OR8J1: variants seen among roughly 807,000 people sequenced by gnomAD.
The protein encoded by OR8J1 is olfactory receptor family 8 subfamily J member 1, also known as olfactory receptor 8J1.
For synonymous variants in OR8J1, 157 were observed against 144.3 expected (o/e 1.09, Z -0.63); for missense variants, 400 against 373.0 (o/e 1.07, Z -0.60).
intron 1 of OR8J1, among the ~76,000 whole-genome samples, chr11:56,354,984 AAGCAGG>A (rs1854948281): frequency 6.6e-6 from 1 of 152,152 alleles, no homozygotes; most frequent in Non-Finnish European, 1.5e-5. Context: ...ACATTTCCAA[AAGCAGG>A]AGCAAGACTT....
intron 1 of OR8J1, among the ~76,000 whole-genome samples, chr11:56,355,870 A>G (rs1854960965): frequency 6.6e-6 from 1 of 152,154 alleles, no homozygotes; most frequent in Admixed American, 6.6e-5. Flanking sequence ...AAATGTATGG[A>G]GCCACTGCTA....
chr11:56,357,711 T>A, intron 1 of OR8J1: 1 of 1,584,574 alleles, frequency 6.3e-7, no homozygotes, highest in Non-Finnish European at 8.6e-7. Context: ...TAGTGATGAA[T>A]ACAATGTGGA....
At chr11:56,356,712 G>C (rs760266102) in intron 1 of OR8J1, among the ~76,000 whole-genome samples, 7 of 151,978 alleles carry the variant, frequency 4.6e-5, no homozygotes. Context: ...ATAAAATCTT[G>C]ACATATGAAA....
At chr11:56,357,996 C>T in intron 1 of OR8J1, 1 of 870,366 alleles carries the variant, frequency 1.1e-6, no homozygotes. Context: ...AGAAACAGTT[C>T]TCTCAATATA....
intron 1 of OR8J1, among the ~76,000 whole-genome samples, chr11:56,358,692 A>G (rs1175205399): frequency 6.6e-6 from 1 of 152,166 alleles, no homozygotes; most frequent in African/African-American, 2.4e-5. Context: ...TTCCTTATTT[A>G]TTATTGAAAT....
At chr11:56,358,237 A>G (rs903399470) in intron 1 of OR8J1, 28 of 248,916 alleles carry the variant, frequency 1.1e-4, no homozygotes, top group Non-Finnish European at 7.2e-5. Flanking sequence ...ACAATTTTCT[A>G]TGAGGATTTT....
Position 56,361,034 on chromosome 11 carries a change from G to T in OR8J1, c.788G>T (p.Arg263Leu). 2 of 1,498,568 alleles carry T rather than the reference G, an allele frequency of 1.3e-6. No individual in the cohort carries two copies. Among genetic ancestry groups the T allele is most frequent in the East Asian group, 2.4e-5 (1 of 41,964 alleles). The allele number at this position is 1,498,568 out of a possible 1,614,324, so 92.8% of individuals were successfully genotyped here. The part of the protein sequence containing the change: ...GTLLFMYVQP[R>L]SNHSLDTDDK... ...TTGCTATTCATGTATGTGCAGCCCC[G>T]AAGTAACCATTCACTGGATACTGAT... Residue 263 changes from arginine to leucine, a missense_variant, in exon 2 of 2, where the codon CGA (arginine) becomes CTA (leucine). Coordinates refer to ENST00000533152, the MANE Select transcript of OR8J1 (RefSeq NM_001005205.3).
Position 56,361,208 on chromosome 11 carries a change from T to C in OR8J1, c.*11T>C. ...TTTAAAACAATGTAATTTTAAACAG[T>C]ACAGGTAAATGAGGAGAGAGTTAAT... On this transcript the variant is annotated 3_prime_UTR_variant, in exon 2 of 2. Transcript: ENST00000533152. The C allele has an allele frequency of 9.1e-7, 1 of 1,100,122 alleles. No individual in the cohort carries two copies. The highest frequency in any genetic ancestry group is 1.2e-6 in the Non-Finnish European group (1 of 829,226). 68.1% of individuals were successfully genotyped at this position (1,100,122 alleles called of 1,614,324 possible). A position where few individuals can be genotyped will look rare whatever the true frequency, so the allele number is the denominator to read the frequency against.
chr11:56,357,306 G>A (rs1234710474), intron 1 of OR8J1: 5 of 527,366 alleles, frequency 9.5e-6, no homozygotes, highest in African/African-American at 1.9e-5. Flanking sequence ...GTGGATGCGG[G>A]CCTCTCTTCA....
At position 56,360,545 on chromosome 11, in the gene OR8J1, A is replaced by T; in HGVS notation, c.299A>T (p.Gln100Leu). ...ACCTCATTCTATGAATGTGCCACCC[A>T]ACTGGGAGGGTTCTTGTTCTTTATT... ...KTTSFYECAT[Q>L]LGGFLFFIVS... Residue 100 changes from glutamine (Q) to leucine (L), a missense_variant, in exon 2 of 2, where the codon CAA becomes CTA. By Grantham distance (113) the Gln-to-Leu change is moderately radical (BLOSUM62 -2). Coordinates refer to ENST00000533152, the MANE Select transcript of OR8J1 (RefSeq NM_001005205.3). 6.2e-7 allele frequency: 1 copy of T among 1,614,056 alleles called. No individual in the cohort carries two copies. Among genetic ancestry groups the T allele is most frequent in the Non-Finnish European group, 8.5e-7 (1 of 1,179,990 alleles).
intron 1 of OR8J1, chr11:56,357,739 C>A: frequency 1.9e-6 from 3 of 1,570,822 alleles, no homozygotes; most frequent in Non-Finnish European, 2.6e-6. Context: ...GATGGTCAGC[C>A]AGGTGCCTTT....
chr11:56,360,966 C>G lies in OR8J1; in HGVS notation c.720C>G (p.Thr240=), dbSNP rs754427336. Residue 240 remains threonine, a synonymous_variant, in exon 2 of 2, where the codon ACC becomes ACG. Coordinates refer to ENST00000533152, the MANE Select transcript of OR8J1 (RefSeq NM_001005205.3). The part of the protein sequence containing the change: ...SSEGRKKAFS[T]CASHMMAVTI... ...AAGGAAGGAAAAAAGCCTTTTCTAC[C>G]TGTGCTTCACATATGATGGCAGTCA... is the stretch of plus-strand genomic sequence containing the variant. 1.4e-6 allele frequency: 2 copies of G among 1,477,302 alleles called. No individual in the cohort carries two copies. Among genetic ancestry groups the G allele is most frequent in the Non-Finnish European group, 1.8e-6 (2 of 1,117,958 alleles). The allele number at this position is 1,477,302 out of a possible 1,614,324, so 91.5% of individuals were successfully genotyped here. A position where few individuals can be genotyped will look rare whatever the true frequency, so the allele number is the denominator to read the frequency against.
At chr11:56,354,346 T>G (rs527590662) in intron 1 of OR8J1, 21 bp downstream of exon 1, 6 of 152,188 alleles carry the variant, frequency 3.9e-5, no homozygotes, top group Non-Finnish European at 8.8e-5. Context: ...AAGACTTACC[T>G]TATTTTTGTA....
intron 1 of OR8J1, among the ~76,000 whole-genome samples, chr11:56,359,990 A>G (rs1852612103): frequency 6.6e-6 from 1 of 152,214 alleles, no homozygotes; most frequent in Admixed American, 6.5e-5. Context: ...GTAAATCCTC[A>G]AAATGTTTCA....
intron 1 of OR8J1, among the ~76,000 whole-genome samples, chr11:56,356,373 A>G (rs1015295318): frequency 3.9e-5 from 6 of 152,224 alleles, no homozygotes; most frequent in Admixed American, 1.3e-4. Flanking sequence ...TGAATTTTCA[A>G]ATAAATCATA....
chr11:56,356,197 A>G (rs1381797011), intron 1 of OR8J1, among the ~76,000 whole-genome samples: 1 of 152,216 alleles, frequency 6.6e-6, no homozygotes, highest in Admixed American at 6.5e-5. Context: ...ATAATTAATG[A>G]AAGTGTTATA....
Position 56,357,735 on chromosome 11 carries a change from C to T in OR8J1, c.-20-2492C>T. ...ATACAATGTGGAAAGCATTGATGGT[C>T]AGCCAGGTGCCTTTACCTGCTATTT... On this transcript the variant is annotated intron_variant, in intron 1 of 1. Transcript: ENST00000533152. 7.0e-6 allele frequency: 11 copies of T among 1,574,158 alleles called. 1 individual carries two copies. Among genetic ancestry groups the T allele is most frequent in the Middle Eastern group, 2.2e-4 (1 of 4,492 alleles).
rs1854980221 is a variant in OR8J1 at position 56,357,250 on chromosome 11, T to C, written c.-21+2925T>C. The C allele has an allele frequency of 9.0e-6, 3 of 331,994 alleles. No homozygotes were observed. In the South Asian group the frequency reaches 1.7e-4, roughly 19 times the overall value. The allele number at this position is 331,994 out of a possible 1,614,324, so 20.6% of individuals were successfully genotyped here. The stretch of plus-strand genomic sequence containing the variant: ...ATAATGTTTTTCACCTATCTTAAAA[T>C]TTTGTCATGGCTTACAATTCAAGGC... On this transcript the variant is annotated intron_variant, in intron 1 of 1. Transcript: ENST00000533152.
chr11:56,355,656 C>T (rs1160977187), intron 1 of OR8J1, among the ~76,000 whole-genome samples: 1 of 151,894 alleles, frequency 6.6e-6, no homozygotes, highest in Non-Finnish European at 1.5e-5. Context: ...AAACAAAAAA[C>T]TCCAACCTGC....
Sources: allele counts gnomAD v4.1 joint callset (sites outside exome capture counted in the v4.1 genomes callset), GRCh38; gene constraint gnomAD v4.1.1; transcripts MANE v1.5; gene names NCBI Gene and HGNC (gene_info 2026-07-23, HGNC 2026-07-21).